PSMD2: variants seen among roughly 807,000 people sequenced by gnomAD.
PSMD2 encodes proteasome 26S subunit ubiquitin receptor, non-ATPase 2, also known as 26S proteasome non-ATPase regulatory subunit 2.
PSMD2 carries 8 observed loss-of-function variants against 101.5 expected under a neutral mutation model. The ratio of observed to expected loss-of-function variants is 0.08; its 90% confidence interval spans 0.05 to 0.14. The LOEUF (loss-of-function observed/expected upper bound fraction) is 0.14. Among genes scored for constraint, PSMD2 ranks in the 10% least tolerant of loss-of-function variants. The probability of loss-of-function intolerance (pLI) is 1.00; values close to 1 mark genes in which losing one functional copy is unlikely to be tolerated. For synonymous variants in PSMD2, 418 were observed against 433.8 expected (o/e 0.96, Z 0.45); for missense variants, 784 against 1,147.4 (o/e 0.68, Z 4.58).
In PSMD2 at chr3:184,308,129, T is replaced by C. The variant is rs1223894887; in HGVS notation, c.2425+113T>C. On this transcript the variant is annotated intron_variant, in intron 19 of 20. Coordinates refer to ENST00000310118, the MANE Select transcript of PSMD2 (RefSeq NM_002808.5). The surrounding 1 kb of genome is among the most constrained non-coding windows in gnomAD (Gnocchi z 6.0). ...ACCCCAGTTTAGCTCTGTATCGCTC[T>C]AGGTTTCTGAGACAGGCTTTGGGCC... 3 of 1,375,894 alleles carry C rather than the reference T, an allele frequency of 2.2e-6. No homozygotes were observed. The allele number at this position is 1,375,894 out of a possible 1,614,324, so 85.2% of individuals were successfully genotyped here.
chr3:184,301,615 G>C lies in PSMD2; in HGVS notation c.436G>C (p.Gly146Arg). ...TGAGTGCCTCAAGTATCGGCTAGTG[G>C]GCTCCCAGGAGGAATTGGCATCATG... Reference protein sequence around the residue: ...ERECLKYRLVGSQEELASWGH... With the variant: ...ERECLKYRLVRSQEELASWGH... The change falls in exon 4 of 21, where the codon GGC becomes CGC. Residue 146 changes from glycine (G) to arginine (R), a missense_variant. Gly to Arg is a moderately radical substitution (Grantham distance 125, BLOSUM62 -2). Around this residue, in one of 6 missense-constraint regions of PSMD2, gnomAD observed 208 missense variants for 301.6 expected, o/e 0.69. Coordinates refer to ENST00000310118, the MANE Select transcript of PSMD2 (RefSeq NM_002808.5). 6.2e-7 allele frequency: 1 copy of C among 1,614,124 alleles called. No homozygotes were observed. The highest frequency in any genetic ancestry group is 8.5e-7 in the Non-Finnish European group (1 of 1,180,016).
intron 8 of PSMD2, 91 bp downstream of exon 8, chr3:184,303,153 T>G: frequency 1.3e-6 from 2 of 1,518,166 alleles, no homozygotes; most frequent in Non-Finnish European, 1.8e-6. Flanking sequence ...GCTTATCCTA[T>G]CGAGCTCAGA....
chr3:184,306,502 T>C lies in PSMD2; in HGVS notation c.1950+7T>C, dbSNP rs141471000. 144 of 1,610,744 alleles carry C rather than the reference T, an allele frequency of 8.9e-5. No individual in the cohort carries two copies. The Middle Eastern group carries it at 1.8e-3, about 20-fold the overall frequency. ...TGACATGGGAGCACATCAGGTTATA[T>C]GGGCAGCTGGGCACTTGCAGAGAGG... On this transcript the variant is annotated splice_region_variant and intron_variant, in intron 15 of 20. Coordinates refer to ENST00000310118, the MANE Select transcript of PSMD2 (RefSeq NM_002808.5).
chr3:184,308,085 T>C lies in PSMD2; in HGVS notation c.2425+69T>C. 1 of 1,586,764 alleles carries C rather than the reference T, an allele frequency of 6.3e-7. No individual in the cohort carries two copies. Among genetic ancestry groups the C allele is most frequent in the South Asian group, 1.1e-5 (1 of 88,648 alleles). On this transcript the variant is annotated intron_variant, in intron 19 of 20. Transcript: ENST00000310118. This position sits in a 1 kb window ranked among gnomAD's most constrained non-coding sequence, Gnocchi z 6.0. ...TGACTCCACCCTTTCCAGGGCCACTTTGATAATTTAGGTTCAAGACCCCAG... is the reference window on the plus strand; with the variant it reads ...TGACTCCACCCTTTCCAGGGCCACTCTGATAATTTAGGTTCAAGACCCCAG...
chr3:184,307,863 ACC>A (rs774633316), intron 18 of PSMD2, 25 bp from the exon 19 acceptor site: 1 of 1,613,436 alleles, frequency 6.2e-7, no homozygotes, highest in South Asian at 1.1e-5. Context: ...GTAACTCCTC[ACC>A]TCTACTTCCC....
chr3:184,302,737 A>G lies in PSMD2; in HGVS notation c.922A>G (p.Ser308Gly). The change falls in exon 7 of 21, where the codon AGT becomes GGT. Residue 308 changes from serine to glycine, a missense_variant. Coordinates refer to ENST00000310118, the MANE Select transcript of PSMD2 (RefSeq NM_002808.5). ...CCGGCATGGGGTGTTCCTGGAGCTG[A>G]GTGAAGATGTCGAGGAGTATGAGGA... ...LGRHGVFLEL[S>G]EDVEEYEDLT... is the part of the protein sequence containing the mutation. The G allele has an allele frequency of 6.2e-7, 1 of 1,614,124 alleles. No individual in the cohort carries two copies. The highest frequency in any genetic ancestry group is 8.5e-7 in the Non-Finnish European group (1 of 1,180,034).
chr3:184,303,234 A>G, intron 8 of PSMD2, 86 bp from the exon 9 acceptor site: 1 of 1,548,916 alleles, frequency 6.5e-7, no homozygotes, highest in Non-Finnish European at 8.8e-7. Context: ...ACTAGCTCAG[A>G]ACCAGAGACC....
Position 184,306,391 on chromosome 3 carries a change from T to C in PSMD2, c.1846T>C (p.Cys616Arg), listed in dbSNP as rs1284111239. Residue 616 changes from cysteine to arginine, a missense_variant, in exon 15 of 21, where the codon TGT becomes CGT. Cys to Arg is a radical substitution (Grantham distance 180). Transcript: ENST00000310118. The stretch of plus-strand genomic sequence containing the variant: ...GAAGGTGCAGCAGCTGCTCCACATT[T>C]GTAGCGAACACTTTGACTCCAAAGA... The part of the protein sequence containing the change: ...VLKVQQLLHI[C>R]SEHFDSKEKE... 1.2e-6 allele frequency: 2 copies of C among 1,614,158 alleles called. No individual in the cohort carries two copies. The highest frequency in any genetic ancestry group is 8.5e-7 in the Non-Finnish European group (1 of 1,180,038).
chr3:184,299,694 C>G lies in PSMD2; in HGVS notation c.136-157C>G, dbSNP rs923826643. ...AGTAGAGCCTGATTCAGAACCCAGG[C>G]TGATTTCTCACCAGGGCTTCCCATT... On this transcript the variant is annotated intron_variant, in intron 1 of 20. Coordinates refer to ENST00000310118, the MANE Select transcript of PSMD2 (RefSeq NM_002808.5). 4.4e-6 allele frequency: 3 copies of G among 688,378 alleles called. No homozygotes were observed. In the African/African-American group the frequency reaches 5.4e-5, roughly 12 times the overall value. The allele number at this position is 688,378 out of a possible 1,614,324, so 42.6% of individuals were successfully genotyped here.
rs1721775055 is a variant in PSMD2 at position 184,304,814 on chromosome 3, C to T, written c.1539+423C>T. On this transcript the variant is annotated intron_variant, in intron 12 of 20. Transcript: ENST00000310118. The surrounding 1 kb of genome is among the most constrained non-coding windows in gnomAD (Gnocchi z 4.1). ...GCTGAGGTGGGAGAATTGCTTGAAC[C>T]CAGAGGTGGAGGTTGCAGTGAGCTG... 2.0e-5 allele frequency among the ~76,000 whole-genome samples: 3 copies of T among 152,104 alleles called. No homozygotes were observed. The highest frequency in any genetic ancestry group is 2.0e-4 in the Admixed American group (3 of 15,276).
chr3:184,299,532 T>A (rs1202844370), intron 1 of PSMD2, 131 bp downstream of exon 1: 2 of 1,199,886 alleles, frequency 1.7e-6, no homozygotes, highest in Non-Finnish European at 2.2e-6. Flanking sequence ...CCCTCGGGAC[T>A]CCCGGCACCT....
At position 184,299,420 on chromosome 3, in the gene PSMD2, A is replaced by G. The variant is rs934969549; in HGVS notation, c.135+19A>G. ...GGAGCTGGTGAGGCGCGACCCCGAG[A>G]GTCGGCGAAGGAGGCTGCGGGGCTG... is the stretch of plus-strand genomic sequence containing the variant. On this transcript the variant is annotated intron_variant, in intron 1 of 20. Coordinates refer to ENST00000310118, the MANE Select transcript of PSMD2 (RefSeq NM_002808.5). 6 of 1,339,384 alleles carry G rather than the reference A, an allele frequency of 4.5e-6. No homozygotes were observed. The highest frequency in any genetic ancestry group is 1.5e-5 in the African/African-American group (1 of 65,122). 83.0% of individuals were successfully genotyped at this position (1,339,384 alleles called of 1,614,324 possible). A position where few individuals can be genotyped will look rare whatever the true frequency, so the allele number is the denominator to read the frequency against.
intron 2 of PSMD2, 148 bp downstream of exon 2, chr3:184,300,055 A>G: frequency 1.1e-6 from 1 of 893,018 alleles, no homozygotes; most frequent in African/African-American, 1.6e-5. Flanking sequence ...TACAAAGGGT[A>G]TTTGTACAGT....
In PSMD2 at chr3:184,299,313, C is replaced by T. The variant is rs775866930; in HGVS notation, c.47C>T (p.Ser16Phe). The change falls in exon 1 of 21, where the codon TCT becomes TTT. Residue 16 changes from serine to phenylalanine, a missense_variant. Physicochemically the swap from Ser to Phe is radical, Grantham distance 155 (BLOSUM62 -2). Transcript: ENST00000310118. ...RDKAPVQPQQ[S>F]PAAAPGGTDE... is the part of the protein sequence containing the mutation. ...AAGGCGCCGGTGCAGCCCCAGCAGT[C>T]TCCAGCGGCGGCCCCCGGCGGCACG... The T allele has an allele frequency of 7.1e-7, 1 of 1,407,202 alleles. No homozygotes were observed. The highest frequency in any genetic ancestry group is 1.5e-5 in the African/African-American group (1 of 66,212). 87.2% of individuals were successfully genotyped at this position (1,407,202 alleles called of 1,614,324 possible). A position where few individuals can be genotyped will look rare whatever the true frequency, so the allele number is the denominator to read the frequency against.
chr3:184,306,624 G>A, intron 15 of PSMD2, 127 bp from the exon 16 acceptor site: 2 of 1,527,884 alleles, frequency 1.3e-6, no homozygotes, highest in East Asian at 2.3e-5. Flanking sequence ...GTGTGACTGG[G>A]TTCTGTATGT....
At chr3:184,303,803 C>T in intron 10 of PSMD2, 54 bp downstream of exon 10, 1 of 1,600,996 alleles carries the variant, frequency 6.2e-7, no homozygotes, top group Non-Finnish European at 8.6e-7. Flanking sequence ...TATTCTAGTG[C>T]CTAGCAGTGC....
chr3:184,303,731 C>T lies in PSMD2; in HGVS notation c.1305C>T (p.Ser435=). The part of the protein sequence containing the change: ...GLTQIDKYLY[S]SEDYIKSGAL... ...CCCAGATTGACAAGTACCTGTACTC[C>T]TCTGAGGACTACATTAAGGTTGGTC... The change falls in exon 10 of 21, where the codon TCC becomes TCT. Residue 435 remains serine, a synonymous_variant. Coordinates refer to ENST00000310118, the MANE Select transcript of PSMD2 (RefSeq NM_002808.5). 1 of 1,614,220 alleles carries T rather than the reference C, an allele frequency of 6.2e-7. No individual in the cohort carries two copies. The highest frequency in any genetic ancestry group is 1.1e-5 in the South Asian group (1 of 91,090).
chr3:184,303,156 A>C, intron 8 of PSMD2, 94 bp downstream of exon 8: 1 of 1,514,160 alleles, frequency 6.6e-7, no homozygotes, highest in Non-Finnish European at 9.1e-7. Context: ...TATCCTATCG[A>C]GCTCAGAATC....
chr3:184,302,907 C>T, intron 7 of PSMD2, 84 bp downstream of exon 7: 1 of 1,610,214 alleles, frequency 6.2e-7, no homozygotes, highest in Non-Finnish European at 8.5e-7. Flanking sequence ...TCTGACTAGA[C>T]TCTCCTTGAT....
Sources: gnomAD v4.1 joint callset for allele counts (sites outside exome capture counted in the v4.1 genomes callset) on GRCh38, gnomAD v4.1.1 for gene constraint, gnomAD v4.1.1 regional missense constraint, Gnocchi (gnomAD v3.1) non-coding constraint, MANE v1.5 for transcripts, NCBI Gene and HGNC (gene_info 2026-07-23, HGNC 2026-07-21) for gene names.